THSD7B: variants seen among roughly 807,000 people sequenced by gnomAD.
THSD7B encodes the protein thrombospondin type 1 domain containing 7B, also known as thrombospondin type-1 domain-containing protein 7B.
A neutral mutation model predicts 213.6 loss-of-function variants in THSD7B; 138 were observed. The observed-to-expected ratio is 0.65, with a 90% CI of 0.56 to 0.74. The LOEUF (loss-of-function observed/expected upper bound fraction) is 0.74, where lower values mean the gene tolerates loss of function less well. THSD7B is among the 30% of genes least tolerant of loss of function. The pLI is 0.00. For synonymous variants in THSD7B, 742 were observed against 687.0 expected, an observed-to-expected ratio of 1.08 and a Z score of -1.25; for missense variants, 1,931 against 1,991.5, an observed-to-expected ratio of 0.97 and a Z score of 0.58.
At chr2:136,888,564 A>G (rs980181719) in intron 2 of THSD7B, among the ~76,000 whole-genome samples, 1 of 152,106 alleles carries the variant, frequency 6.6e-6, no homozygotes, top group Non-Finnish European at 1.5e-5. Flanking sequence ...TTATGTTGAC[A>G]TCATTTTAAT....
At chr2:137,583,058 T>G (rs967822610) in intron 17 of THSD7B, among the ~76,000 whole-genome samples, 7 of 152,226 alleles carry the variant, frequency 4.6e-5, no homozygotes, top group Non-Finnish European at 7.3e-5. Flanking sequence ...GATATCTCAT[T>G]GTGGTTTTGA....
At chr2:136,958,863 G>T (rs1398629196) in intron 2 of THSD7B, among the ~76,000 whole-genome samples, 1 of 152,016 alleles carries the variant, frequency 6.6e-6, no homozygotes, top group African/African-American at 2.4e-5. Context: ...ATCTAGAGTG[G>T]GTACTTTCAG....
At chr2:136,979,136 T>G (rs949275809) in intron 2 of THSD7B, among the ~76,000 whole-genome samples, 1 of 152,214 alleles carries the variant, frequency 6.6e-6, no homozygotes, top group Admixed American at 6.5e-5. Context: ...TCTTCTGGCT[T>G]GTAGGGTTTC....
rs187067175 is a variant in THSD7B, at chr2:137,587,124, G to A, written c.3423+14568G>A. 8.8e-3 allele frequency among the ~76,000 whole-genome samples: 1,340 copies of A among 152,054 alleles called. 7 individuals are homozygous for A. The highest frequency in any genetic ancestry group is 0.024 in the African/African-American group (976 of 41,456). The stretch of plus-strand genomic sequence containing the variant: ...CTGATACCCTTTCTTCCAGTTGATC[G>A]AATCGGCTACTGAAGCTTGTGCATT... On this transcript the variant is annotated intron_variant, in intron 17 of 27. Coordinates refer to ENST00000409968, the MANE Select transcript of THSD7B (RefSeq NM_001316349.2).
chr2:137,245,916 A>G (rs1682021544), intron 10 of THSD7B, among the ~76,000 whole-genome samples: 1 of 152,198 alleles, frequency 6.6e-6, no homozygotes, highest in Admixed American at 6.5e-5. Context: ...GCAGATTCTA[A>G]TTCAATAGAC....
chr2:137,395,814 AC>A (rs2104986896), intron 12 of THSD7B, among the ~76,000 whole-genome samples: 1 of 150,046 alleles, frequency 6.7e-6, no homozygotes, highest in Admixed American at 6.6e-5. Context: ...TGGTTGGTAA[AC>A]TATTGATTAT....
chr2:137,085,689 A>G (rs1687825067), intron 3 of THSD7B, among the ~76,000 whole-genome samples: 1 of 152,156 alleles, frequency 6.6e-6, no homozygotes, highest in Non-Finnish European at 1.5e-5. Context: ...GTAAAACACC[A>G]TACATGAAAA....
chr2:136,875,490 AT>A (rs11331355), intron 1 of THSD7B, among the ~76,000 whole-genome samples: 130,682 of 152,140 alleles, frequency 0.86, 56,512 homozygotes, highest in Non-Finnish European at 0.91. Context: ...TGCAGCACAT[AT>A]TTTTTAGGAG....
intron 3 of THSD7B, among the ~76,000 whole-genome samples, chr2:137,073,004 G>A (rs980060216): frequency 6.6e-6 from 1 of 151,640 alleles, no homozygotes; most frequent in Admixed American, 6.6e-5. Context: ...GATTCAGTTT[G>A]CCAGTATTTT....
chr2:137,203,378 TAGAG>T (rs1680917258), intron 7 of THSD7B, among the ~76,000 whole-genome samples: 1 of 152,090 alleles, frequency 6.6e-6, no homozygotes, highest in South Asian at 2.1e-4. Flanking sequence ...GCATGGGTGT[TAGAG>T]AGTAAGAACA....
intron 12 of THSD7B, among the ~76,000 whole-genome samples, chr2:137,395,392 A>G (rs1382035229): frequency 4.7e-5 from 7 of 150,176 alleles, no homozygotes; most frequent in Non-Finnish European, 8.9e-5. Context: ...AATTTTGTCA[A>G]AGGCTTTTTC....
chr2:137,088,842 T>C (rs148947384), intron 3 of THSD7B, among the ~76,000 whole-genome samples: 11,858 of 152,088 alleles, frequency 0.078, 731 homozygotes, highest in Non-Finnish European at 0.12. Context: ...AAAGAAGATA[T>C]ACAAATGGCC....
chr2:137,609,793 G>T (rs749045882), intron 17 of THSD7B, among the ~76,000 whole-genome samples: 9 of 152,146 alleles, frequency 5.9e-5, no homozygotes, highest in Non-Finnish European at 1.3e-4. Context: ...AGAATGGGAA[G>T]ATTGGAGTCA....
chr2:137,476,376 T>C (rs2105099066), intron 15 of THSD7B, among the ~76,000 whole-genome samples: 1 of 152,252 alleles, frequency 6.6e-6, no homozygotes, highest in South Asian at 2.1e-4. Flanking sequence ...GAGGTGTTAC[T>C]CATAAAATCT....
intron 1 of THSD7B, among the ~76,000 whole-genome samples, chr2:136,879,499 G>A (rs1347573871): frequency 4.6e-5 from 7 of 152,078 alleles, no homozygotes; most frequent in African/African-American, 7.2e-5. Flanking sequence ...TCTGTAAATT[G>A]CCTTGGGCAG....
chr2:137,107,792 A>G (rs1006135920), intron 4 of THSD7B, among the ~76,000 whole-genome samples: 4 of 152,186 alleles, frequency 2.6e-5, no homozygotes, highest in African/African-American at 9.7e-5. Context: ...ATAGAAGTCT[A>G]TTAATAATAC....
intron 5 of THSD7B, among the ~76,000 whole-genome samples, chr2:137,133,915 G>A (rs1460881617): frequency 6.6e-6 from 1 of 152,102 alleles, no homozygotes; most frequent in African/African-American, 2.4e-5. Flanking sequence ...GTGCTCCATA[G>A]CCATATGCAG....
intron 2 of THSD7B, among the ~76,000 whole-genome samples, chr2:136,910,534 T>C (rs1250550930): frequency 6.6e-6 from 1 of 152,238 alleles, no homozygotes; most frequent in Admixed American, 6.5e-5. Flanking sequence ...TTTGTACAGA[T>C]ATAACTTAAG....
chr2:137,516,308 A>T (rs974126268), intron 15 of THSD7B, among the ~76,000 whole-genome samples: 3 of 152,214 alleles, frequency 2.0e-5, no homozygotes, highest in African/African-American at 7.2e-5. Flanking sequence ...AGAATCACTG[A>T]TCCTCAATCA....
Sources: allele counts gnomAD v4.1 joint callset (sites outside exome capture counted in the v4.1 genomes callset), GRCh38; gene constraint gnomAD v4.1.1; transcripts MANE v1.5; gene names NCBI Gene and HGNC (gene_info 2026-07-23, HGNC 2026-07-21).